Variants in CCDC178 observed in about 807,000 individuals in gnomAD.
CCDC178 encodes the protein coiled-coil domain containing 178.
A neutral mutation model predicts 117.4 loss-of-function variants in CCDC178; 126 were observed. That is an observed-to-expected ratio of 1.07 (90% confidence interval 0.93 to 1.24). The LOEUF (loss-of-function observed/expected upper bound fraction) is 1.24, where lower values mean the gene tolerates loss of function less well. Ranked by LOEUF, CCDC178 falls within the 50% of genes most tolerant of loss-of-function variation. The pLI, the probability that CCDC178 is intolerant of heterozygous loss-of-function variation, is 0.00. For synonymous variants in CCDC178, 283 were observed against 313.4 expected (o/e 0.90, Z 1.02); for missense variants, 1,030 against 986.9 (o/e 1.04, Z -0.59).
chr18:33,326,382 C>T (rs2062585176), intron 10 of CCDC178, among the ~76,000 whole-genome samples: 1 of 152,086 alleles, frequency 6.6e-6, no homozygotes, highest in African/African-American at 2.4e-5. Flanking sequence ...TAATCAGCTG[C>T]TCAAGAAAGG....
chr18:33,238,506 T>C (rs1196046902), intron 15 of CCDC178, among the ~76,000 whole-genome samples: 1 of 150,928 alleles, frequency 6.6e-6, no homozygotes, highest in Non-Finnish European at 1.5e-5. Flanking sequence ...GTAAATGAAA[T>C]AAAAAAAATA....
At chr18:33,416,411 A>G (rs753137838) in intron 2 of CCDC178, among the ~76,000 whole-genome samples, 23 of 148,488 alleles carry the variant, frequency 1.5e-4, no homozygotes, top group Non-Finnish European at 3.0e-4. Context: ...TGGGTGACAG[A>G]GCCAGACTCT....
At chr18:33,313,020 C>T (rs2062363819) in intron 11 of CCDC178, among the ~76,000 whole-genome samples, 2 of 152,152 alleles carry the variant, frequency 1.3e-5, no homozygotes, top group South Asian at 4.1e-4. Context: ...GGCAGGTTAT[C>T]CTATAGTCTC....
intron 4 of CCDC178, among the ~76,000 whole-genome samples, chr18:33,390,421 G>T (rs1599259773): frequency 6.6e-6 from 1 of 151,906 alleles, no homozygotes; most frequent in Admixed American, 6.6e-5. Context: ...GTGAAAACTG[G>T]AAACAACCTA....
intron 11 of CCDC178, among the ~76,000 whole-genome samples, chr18:33,295,964 C>T (rs2062101844): frequency 6.6e-6 from 1 of 152,084 alleles, no homozygotes; most frequent in Non-Finnish European, 1.5e-5. Flanking sequence ...AACTTATGTT[C>T]ACACAAAAAC....
intron 21 of CCDC178, among the ~76,000 whole-genome samples, chr18:33,074,547 A>G (rs534656909): frequency 6.6e-6 from 1 of 152,332 alleles, no homozygotes; most frequent in South Asian, 2.1e-4. Context: ...TTCACCATGG[A>G]GCCCTGGGGA....
At chr18:33,238,232 C>T (rs924508693) in intron 15 of CCDC178, among the ~76,000 whole-genome samples, 2 of 151,852 alleles carry the variant, frequency 1.3e-5, no homozygotes, top group African/African-American at 4.8e-5. Flanking sequence ...CATAAGGAAA[C>T]AATAAACATG....
intron 9 of CCDC178, among the ~76,000 whole-genome samples, chr18:33,345,876 G>C (rs1213495454): frequency 6.6e-6 from 1 of 152,088 alleles, no homozygotes; most frequent in African/African-American, 2.4e-5. Context: ...TTTTGAGACA[G>C]GATCTCACTC....
intron 6 of CCDC178, among the ~76,000 whole-genome samples, chr18:33,364,582 A>G (rs2063173979): frequency 6.6e-6 from 1 of 152,048 alleles, no homozygotes; most frequent in Non-Finnish European, 1.5e-5. Context: ...AGAAGACACA[A>G]CTGACGGAGC....
chr18:33,016,136 A>C (rs998443977), intron 21 of CCDC178, among the ~76,000 whole-genome samples: 3 of 152,262 alleles, frequency 2.0e-5, no homozygotes, highest in Admixed American at 6.5e-5. Flanking sequence ...CAAAGAGAAA[A>C]AAAGTAAATC....
At chr18:33,059,214 G>A (rs1208430677) in intron 21 of CCDC178, among the ~76,000 whole-genome samples, 1 of 152,092 alleles carries the variant, frequency 6.6e-6, no homozygotes. Flanking sequence ...GGACCTGTAA[G>A]ATTTGAACTG....
intron 2 of CCDC178, among the ~76,000 whole-genome samples, chr18:33,419,095 T>G (rs1040972895): frequency 6.6e-6 from 1 of 152,112 alleles, no homozygotes; most frequent in Non-Finnish European, 1.5e-5. Flanking sequence ...AACAGAGACA[T>G]AGACCAATGA....
intron 21 of CCDC178, among the ~76,000 whole-genome samples, chr18:33,058,289 T>C (rs2056864048): frequency 6.6e-6 from 1 of 152,214 alleles, no homozygotes; most frequent in East Asian, 1.9e-4. Flanking sequence ...ATGTGATCTA[T>C]CCATGCAATG....
intron 20 of CCDC178, among the ~76,000 whole-genome samples, chr18:33,158,762 C>A (rs1043939427): frequency 2.0e-5 from 3 of 151,968 alleles, no homozygotes; most frequent in Non-Finnish European, 4.4e-5. Flanking sequence ...TATGACAAGC[C>A]AATTTTCTCT....
chr18:33,054,829 TC>T (rs2056802834), intron 21 of CCDC178, among the ~76,000 whole-genome samples: 1 of 152,216 alleles, frequency 6.6e-6, no homozygotes, highest in African/African-American at 2.4e-5. Context: ...TACCTGTAGG[TC>T]TTTGAGGAAT....
intron 5 of CCDC178, among the ~76,000 whole-genome samples, chr18:33,387,645 A>G (rs967482900): frequency 1.3e-5 from 2 of 152,222 alleles, no homozygotes; most frequent in Non-Finnish European, 2.9e-5. Flanking sequence ...TGCTGGGAGA[A>G]CTGGCTAGCC....
At chr18:33,307,151 G>A (rs1310337188) in intron 11 of CCDC178, among the ~76,000 whole-genome samples, 1 of 152,180 alleles carries the variant, frequency 6.6e-6, no homozygotes, top group African/African-American at 2.4e-5. Flanking sequence ...TGAAGATGTG[G>A]AAATGACTTT....
At chr18:33,168,784 T>C (rs1202077358) in intron 20 of CCDC178, among the ~76,000 whole-genome samples, 1 of 152,212 alleles carries the variant, frequency 6.6e-6, no homozygotes, top group Non-Finnish European at 1.5e-5. Context: ...TAACTACTCT[T>C]AGTTTGTAAA....
At chr18:33,147,327 G>T (rs1420489309) in intron 20 of CCDC178, among the ~76,000 whole-genome samples, 1 of 145,630 alleles carries the variant, frequency 6.9e-6, no homozygotes, top group Non-Finnish European at 1.5e-5. Context: ...AGAAGAGAGA[G>T]AACCTACTCC....
Sources: gnomAD v4.1 joint callset for allele counts (sites outside exome capture counted in the v4.1 genomes callset) on GRCh38, gnomAD v4.1.1 for gene constraint, MANE v1.5 for transcripts, NCBI Gene and HGNC (gene_info 2026-07-23, HGNC 2026-07-21) for gene names.